The following VWA5A variants were observed in gnomAD, a reference collection of about 807,000 sequenced individuals.
VWA5A encodes the protein von Willebrand factor A domain containing 5A.
A neutral mutation model predicts 84.6 loss-of-function variants in VWA5A; 77 were observed. That is an observed-to-expected ratio of 0.91 (90% confidence interval 0.76 to 1.10). The LOEUF (loss-of-function observed/expected upper bound fraction) is 1.10. Ranked by LOEUF, VWA5A falls within the 50% of genes least tolerant of loss-of-function variation. The pLI, the probability that VWA5A is intolerant of heterozygous loss-of-function variation, is 0.00. For missense variants in VWA5A, 973 were observed against 963.0 expected, an observed-to-expected ratio of 1.01 and a Z score of -0.14; for synonymous variants, 334 against 350.1, an observed-to-expected ratio of 0.95 and a Z score of 0.51.
Position 124,145,338 on chromosome 11 carries a change from C to T in VWA5A, c.2256C>T (p.Ala752=), listed in dbSNP as rs952880119. Residue 752 remains alanine, a synonymous_variant, in exon 18 of 19, where the codon GCC becomes GCT. Coordinates refer to ENST00000456829, the MANE Select transcript of VWA5A (RefSeq NM_001130142.2). The part of the protein sequence containing the change: ...KCEWELLERK[A]VAWMRAHAGS... ...AATGGGAGCTTCTGGAAAGGAAGGC[C>T]GTGGCCTGGATGCGTGCCCATGCAG... is the stretch of plus-strand genomic sequence containing the variant. The T allele has an allele frequency of 4.3e-6, 7 of 1,613,570 alleles. No homozygotes were observed. The highest frequency in any genetic ancestry group is 5.9e-6 in the Non-Finnish European group (7 of 1,179,754).
intron 11 of VWA5A, 175 bp downstream of exon 11, chr11:124,124,491 A>C: frequency 7.4e-7 from 1 of 1,356,698 alleles, no homozygotes; most frequent in Non-Finnish European, 9.5e-7. Context: ...TTTTCCAAAT[A>C]ACATCAACAA....
intron 7 of VWA5A, 107 bp downstream of exon 7, chr11:124,119,196 A>G: frequency 1.0e-6 from 1 of 971,816 alleles, no homozygotes; most frequent in Non-Finnish European, 1.6e-6. Context: ...GGTGGTTAAT[A>G]CATGTGAAAC....
chr11:124,129,638 T>C (rs1865068605), intron 11 of VWA5A, among the ~76,000 whole-genome samples: 1 of 152,202 alleles, frequency 6.6e-6, no homozygotes, highest in African/African-American at 2.4e-5. Context: ...AGACTATTAA[T>C]TACTGCCTCA....
intron 15 of VWA5A, 87 bp from the exon 16 acceptor site, chr11:124,141,511 G>T (rs1860726654): frequency 2.6e-6 from 4 of 1,529,560 alleles, no homozygotes; most frequent in Admixed American, 3.6e-5. Context: ...AGTGTGGATG[G>T]GGGGGTATGT....
At position 124,122,957 on chromosome 11, in the gene VWA5A, C is replaced by T; in HGVS notation, c.761-3C>T. The T allele has an allele frequency of 4.3e-6, 7 of 1,611,912 alleles. No individual in the cohort carries two copies. Among genetic ancestry groups the T allele is most frequent in the Non-Finnish European group, 4.2e-6 (5 of 1,179,312 alleles). ...TTACAGTGGCTTTATCCTTTCTGAACAGGTCATTTGATGGGAGATCCATCT... is the reference window on the plus strand; with the variant it reads ...TTACAGTGGCTTTATCCTTTCTGAATAGGTCATTTGATGGGAGATCCATCT... On this transcript the variant is annotated splice_region_variant and splice_polypyrimidine_tract_variant and intron_variant, in intron 7 of 18. Coordinates refer to ENST00000456829, the MANE Select transcript of VWA5A (RefSeq NM_001130142.2).
Position 124,118,695 on chromosome 11 carries a change from A to G in VWA5A, c.632A>G (p.Lys211Arg). The G allele has an allele frequency of 6.2e-7, 1 of 1,613,824 alleles. No individual in the cohort carries two copies. The highest frequency in any genetic ancestry group is 8.5e-7 in the Non-Finnish European group (1 of 1,179,898). Residue 211 changes from lysine (K) to arginine (R), a missense_variant, in exon 6 of 19, where the codon AAG (lysine) becomes AGG (arginine). Transcript: ENST00000456829. ...LSPTEYLGED[K>R]TSAQVSLAAG... The stretch of plus-strand genomic sequence containing the variant: ...CCTACCGAGTACCTAGGAGAGGACA[A>G]GACTTCTGCTCAGGTAGTTAATGAG...
At position 124,118,368 on chromosome 11, in the gene VWA5A, C is replaced by T; in HGVS notation, c.426C>T (p.Arg142=). The T allele has an allele frequency of 1.2e-6, 2 of 1,614,208 alleles. No individual in the cohort carries two copies. The highest frequency in any genetic ancestry group is 2.7e-5 in the African/African-American group (2 of 75,050). Residue 142 remains arginine (R), a synonymous_variant, in exon 5 of 19, where the codon CGC becomes CGT. Coordinates refer to ENST00000456829, the MANE Select transcript of VWA5A (RefSeq NM_001130142.2). The part of the protein sequence containing the change: ...ELPLEADGAL[R]FVLPAVLNPR... ...CTCTGGAAGCAGATGGGGCTCTGCG[C>T]TTTGTGCTCCCAGCTGTCCTGAATC... is the stretch of plus-strand genomic sequence containing the variant.
chr11:124,145,813 G>A (rs1431110098), intron 18 of VWA5A, 53 bp from the exon 19 acceptor site: 14 of 1,531,662 alleles, frequency 9.1e-6, no homozygotes, highest in Admixed American at 2.0e-5. Context: ...GAGGTTTGGA[G>A]GAGCCTCTAA....
At chr11:124,137,580 T>A (rs12098892) in intron 15 of VWA5A, among the ~76,000 whole-genome samples, 1 of 152,184 alleles carries the variant, frequency 6.6e-6, no homozygotes, top group African/African-American at 2.4e-5. Flanking sequence ...TGAGATATAA[T>A]TCAAATATCA....
rs1211576377 is a variant in VWA5A, at chr11:124,123,766, A to G, written c.1126A>G (p.Ile376Val). Residue 376 changes from isoleucine (I) to valine (V), a missense_variant, in exon 10 of 19, where the codon ATT becomes GTT. Ile to Val is a conservative substitution (Grantham distance 29, BLOSUM62 3). Coordinates refer to ENST00000456829, the MANE Select transcript of VWA5A (RefSeq NM_001130142.2). ...TGAAATCTTGGCACCACTCCAGAAC[A>G]TTTACAGGGGACCCTCCATCCCAGG... ...GTEILAPLQN[I>V]YRGPSIPGHP... 1.9e-6 allele frequency: 3 copies of G among 1,602,700 alleles called. No homozygotes were observed. The African/African-American group carries it at 4.0e-5, about 22-fold the overall frequency.
At chr11:124,128,316 T>C (rs562077450) in intron 11 of VWA5A, among the ~76,000 whole-genome samples, 1 of 152,302 alleles carries the variant, frequency 6.6e-6, no homozygotes, top group East Asian at 1.9e-4. Context: ...AAAGATTAGA[T>C]GGTTGTAGAT....
intron 11 of VWA5A, among the ~76,000 whole-genome samples, chr11:124,132,850 G>A (rs1865118279): frequency 6.6e-6 from 1 of 152,004 alleles, no homozygotes; most frequent in Admixed American, 6.6e-5. Flanking sequence ...CTTGATAGTT[G>A]ATTTTTAGAC....
At chr11:124,119,221 C>A in intron 7 of VWA5A, 132 bp downstream of exon 7, 1 of 815,374 alleles carries the variant, frequency 1.2e-6, no homozygotes, top group Non-Finnish European at 1.9e-6. Flanking sequence ...AAATAGTTTA[C>A]ACTATGTCAT....
rs748968304 is a variant in VWA5A at position 124,117,519 on chromosome 11, A to G, written c.8A>G (p.His3Arg). The G allele has an allele frequency of 8.7e-6, 14 of 1,614,204 alleles. No individual in the cohort carries two copies. The South Asian group carries it at 1.4e-4, about 16-fold the overall frequency. Residue 3 changes from histidine to arginine, a missense_variant, in exon 3 of 19, where the codon CAC becomes CGC. By Grantham distance (29) the His-to-Arg change is conservative (BLOSUM62 0). Transcript: ENST00000456829. MVHFCGLLTLHRE... is the reference protein window; with the variant it reads MVRFCGLLTLHRE... ...CAGAAATCTTGCATCACCATGGTGC[A>G]CTTCTGTGGCCTACTCACCCTCCAC...
intron 3 of VWA5A, 44 bp from the exon 4 acceptor site, chr11:124,117,629 A>T: frequency 6.2e-7 from 1 of 1,614,114 alleles, no homozygotes; most frequent in Non-Finnish European, 8.5e-7. Flanking sequence ...ACAAGGAGGC[A>T]ATCTATTGAA....
At chr11:124,138,782 T>C (rs12272538) in intron 15 of VWA5A, among the ~76,000 whole-genome samples, 19,769 of 152,214 alleles carry the variant, frequency 0.13, 1,347 homozygotes, top group African/African-American at 0.18. Flanking sequence ...ACACAAGAGG[T>C]AACCTCGTTT....
chr11:124,118,149 T>G, intron 4 of VWA5A, 40 bp from the exon 5 acceptor site: 1 of 1,594,898 alleles, frequency 6.3e-7, no homozygotes, highest in Non-Finnish European at 8.5e-7. Flanking sequence ...TCACCTTGGA[T>G]GTTCCCTTTC....
intron 15 of VWA5A, among the ~76,000 whole-genome samples, chr11:124,137,573 G>A (rs192239335): frequency 2.4e-4 from 37 of 152,276 alleles, no homozygotes; most frequent in African/African-American, 7.9e-4. Context: ...TTTTTATTGA[G>A]ATATAATTCA....
rs906433070 is a variant in VWA5A at position 124,117,866 on chromosome 11, C to T, written c.237C>T (p.Asp79=). 4 of 1,614,132 alleles carry T rather than the reference C, an allele frequency of 2.5e-6. No individual in the cohort carries two copies. In the South Asian group the frequency reaches 4.4e-5, roughly 18 times the overall value. Reference sequence around the variant, plus strand: ...AGAAAATTGTAGCAGAATTACAAGACAAGATGAAGGTAGTAGAGATTACCT... The same window carrying T: ...AGAAAATTGTAGCAGAATTACAAGATAAGATGAAGGTAGTAGAGATTACCT... ...DGKKIVAELQ[D]KMKARTNYEK... Residue 79 remains aspartate, a synonymous_variant, in exon 4 of 19, where the codon GAC becomes GAT. Transcript: ENST00000456829.
Sources: allele counts gnomAD v4.1 joint callset (sites outside exome capture counted in the v4.1 genomes callset), GRCh38; gene constraint gnomAD v4.1.1; transcripts MANE v1.5; gene names NCBI Gene and HGNC (gene_info 2026-07-23, HGNC 2026-07-21).